The following DNAH10 variants were observed in gnomAD, a reference collection of about 807,000 sequenced individuals.
DNAH10 encodes the protein axonemal beta dynein heavy chain 10.
In DNAH10, 348 loss-of-function variants were observed where a neutral mutation model predicts 506.6. The ratio of observed to expected loss-of-function variants is 0.69; its 90% CI spans 0.63 to 0.75. The LOEUF is 0.75. Ranked by LOEUF, DNAH10 falls within the 30% of genes least tolerant of loss-of-function variation. DNAH10 has a pLI of 0.00. For missense variants in DNAH10, 5,179 were observed against 5,787.1 expected (o/e 0.89, Z 3.41); for synonymous variants, 2,059 against 2,198.6 (o/e 0.94, Z 1.78).
intron 36 of DNAH10, 87 bp from the exon 37 acceptor site, chr12:123,856,969 A>G: frequency 1.1e-6 from 1 of 897,144 alleles, no homozygotes; most frequent in Non-Finnish European, 1.6e-6. Flanking sequence ...ATATTTCATA[A>G]GAGTGTTACC....
intron 26 of DNAH10, among the ~76,000 whole-genome samples, chr12:123,832,621 G>C (rs1186915004): frequency 2.0e-5 from 3 of 152,008 alleles, no homozygotes; most frequent in Non-Finnish European, 4.4e-5. Context: ...AGGATTACAG[G>C]CATGAGCCAC....
At chr12:123,875,200 T>C in intron 46 of DNAH10, 31 bp from the exon 47 acceptor site, 2 of 1,582,418 alleles carry the variant, frequency 1.3e-6, no homozygotes, top group East Asian at 4.6e-5. Context: ...GCGATACTAC[T>C]GTTCTCTTTT....
intron 57 of DNAH10, among the ~76,000 whole-genome samples, chr12:123,904,405 C>A (rs1231546872): frequency 6.6e-6 from 1 of 152,168 alleles, no homozygotes; most frequent in Admixed American, 6.5e-5. Flanking sequence ...TGGGCCACTG[C>A]TCCCAGGTCA....
intron 65 of DNAH10, among the ~76,000 whole-genome samples, chr12:123,921,690 AGTTTTTTTTTTTTTTTT>A (rs1479168885): frequency 1.0e-4 from 10 of 98,270 alleles, no homozygotes; most frequent in African/African-American, 2.4e-4. Flanking sequence ...TGTAGCTTGC[AGTTTTTTTTTTTTTTTT>A]TTTTTTTTTT....
intron 59 of DNAH10, among the ~76,000 whole-genome samples, chr12:123,912,406 GTCTGTCCC>G (rs1954248063): frequency 2.0e-5 from 1 of 50,010 alleles, no homozygotes; most frequent in Non-Finnish European, 3.5e-5. Flanking sequence ...CCTGGGGGGG[GTCTGTCCC>G]GGGGGGGGTC....
At chr12:123,868,334 GT>G (rs1305920104) in intron 43 of DNAH10, among the ~76,000 whole-genome samples, 1 of 152,202 alleles carries the variant, frequency 6.6e-6, no homozygotes, top group African/African-American at 2.4e-5. Flanking sequence ...CCTCTGGGTG[GT>G]CTTTCTGGAT....
intron 52 of DNAH10, among the ~76,000 whole-genome samples, chr12:123,887,534 T>C (rs1002053854): frequency 6.6e-6 from 1 of 152,144 alleles, no homozygotes; most frequent in Non-Finnish European, 1.5e-5. Flanking sequence ...TCTGCGATGA[T>C]GGCAGTATCC....
At chr12:123,843,806 G>A (rs1487892902) in intron 30 of DNAH10, among the ~76,000 whole-genome samples, 1 of 152,204 alleles carries the variant, frequency 6.6e-6, no homozygotes, top group Non-Finnish European at 1.5e-5. Context: ...TCGAACTCCC[G>A]ACCTCAGGTG....
chr12:123,787,905 C>A lies in DNAH10; in HGVS notation c.1523C>A (p.Ser508Ter). 6.2e-7 allele frequency: 1 copy of A among 1,612,378 alleles called. No individual in the cohort carries two copies. Among genetic ancestry groups the A allele is most frequent in the Non-Finnish European group, 8.5e-7 (1 of 1,179,320 alleles). Residue 508 changes from serine to a stop codon, truncating the protein, a stop_gained, in exon 10 of 79, where the codon TCG becomes TAG. Coordinates refer to ENST00000673944, the MANE Select transcript of DNAH10 (RefSeq NM_001372106.1). LOFTEE classifies it high-confidence loss of function. The surrounding 1 kb of genome is among the most constrained non-coding windows in gnomAD (Gnocchi z 4.6). ...YFDTRAKIEA[S>*]GREDRWEFDR... is the part of the protein sequence containing the mutation. The stretch of plus-strand genomic sequence containing the variant: ...GACACCCGGGCCAAGATAGAGGCTT[C>A]GGGGAGGGAAGATCGGTGGGAGTTT...
intron 18 of DNAH10, among the ~76,000 whole-genome samples, chr12:123,807,227 CCA>C (rs1958715263): frequency 6.6e-6 from 1 of 151,498 alleles, no homozygotes; most frequent in Non-Finnish European, 1.5e-5. Flanking sequence ...ATCCATCCAT[CCA>C]TCCATCCAAG....
chr12:123,843,177 G>C (rs1177726766), intron 30 of DNAH10, among the ~76,000 whole-genome samples: 1 of 152,200 alleles, frequency 6.6e-6, no homozygotes, highest in Non-Finnish European at 1.5e-5. Flanking sequence ...TCATCCAGAT[G>C]CTCCTTTGAG....
At chr12:123,877,606 G>A (rs760695659) in intron 47 of DNAH10, 130 bp from the exon 48 acceptor site, 20 of 1,292,836 alleles carry the variant, frequency 1.5e-5, no homozygotes, top group East Asian at 2.7e-5. Flanking sequence ...ATGAGCCACC[G>A]TGACTGGCCA....
rs75424689 is a variant in DNAH10 at position 123,926,470 on chromosome 12, C to T, written c.11922-167C>T. On this transcript the variant is annotated intron_variant, in intron 68 of 78. Coordinates refer to ENST00000673944, the MANE Select transcript of DNAH10 (RefSeq NM_001372106.1). This position sits in a 1 kb window ranked among gnomAD's most constrained non-coding sequence, Gnocchi z 4.1. Reference sequence around the variant, plus strand: ...AGGAGTTCCCCATCAGGGTGGGAGACGTGCATAGAAACTAGAATCTAAAAC... The same window carrying T: ...AGGAGTTCCCCATCAGGGTGGGAGATGTGCATAGAAACTAGAATCTAAAAC... 13,630 of 666,388 alleles carry T rather than the reference C, an allele frequency of 0.02. 1,023 individuals are homozygous for T. Among genetic ancestry groups the T allele is most frequent in the African/African-American group, 0.19 (10,003 of 54,064 alleles). 41.3% of individuals were successfully genotyped at this position (666,388 alleles called of 1,614,324 possible).
intron 53 of DNAH10, 47 bp downstream of exon 53, chr12:123,893,483 G>C (rs763955992): frequency 1.2e-6 from 2 of 1,606,912 alleles, no homozygotes; most frequent in South Asian, 2.2e-5. Flanking sequence ...CTTTGGCAGA[G>C]TGTGTGGCTG....
At position 123,916,470 on chromosome 12, in the gene DNAH10, A is replaced by G. The variant is rs202086953; in HGVS notation, c.10736A>G (p.Asn3579Ser). The G allele has an allele frequency of 4.8e-5, 77 of 1,607,286 alleles. No individual in the cohort carries two copies. The highest frequency in any genetic ancestry group is 3.0e-4 in the African/African-American group (22 of 74,546). The change falls in exon 63 of 79, where the codon AAT becomes AGT. Residue 3579 changes from asparagine to serine, a missense_variant. Physicochemically the swap from Asn to Ser is conservative, Grantham distance 46. Transcript: ENST00000673944. The surrounding 1 kb of genome is among the most constrained non-coding windows in gnomAD (Gnocchi z 4.6). Reference protein sequence around the residue: ...EKNNLRVASFNDPDFLKQLEM... With the variant: ...EKNNLRVASFSDPDFLKQLEM... ...CTTCTCTTCCAGGTCGCTTCCTTTA[A>G]TGACCCTGACTTCCTCAAGCAGCTA...
chr12:123,908,178 T>TCTGTCTCCTCCCTATCTCC (rs1566083258), intron 57 of DNAH10: 1 of 249,946 alleles, frequency 4.0e-6, no homozygotes, highest in African/African-American at 4.0e-5. Context: ...TCCCTGTCTC[T>TCTGTCTCCTCCCTATCTCC]CTGTCTCCTC....
intron 10 of DNAH10, among the ~76,000 whole-genome samples, chr12:123,788,502 GGT>G (rs1957949396): frequency 1.3e-5 from 2 of 152,232 alleles, no homozygotes; most frequent in Admixed American, 1.3e-4. Context: ...CGGTGTGCCG[GGT>G]ACTCAGATGT....
chr12:123,840,596 T>C (rs1435725387), intron 29 of DNAH10, among the ~76,000 whole-genome samples: 1 of 151,978 alleles, frequency 6.6e-6, no homozygotes, highest in East Asian at 1.9e-4. Flanking sequence ...TAAACACATA[T>C]TTTACTGTTG....
intron 51 of DNAH10, among the ~76,000 whole-genome samples, chr12:123,886,842 T>TTA (rs1420470734): frequency 6.6e-6 from 1 of 152,236 alleles, no homozygotes; most frequent in Non-Finnish European, 1.5e-5. Flanking sequence ...AAGTGCCTGC[T>TTA]TATTTCTCCC....
Sources: allele counts gnomAD v4.1 joint callset (sites outside exome capture counted in the v4.1 genomes callset), GRCh38; gene constraint gnomAD v4.1.1; non-coding constraint Gnocchi (gnomAD v3.1); transcripts MANE v1.5; gene names NCBI Gene and HGNC (gene_info 2026-07-23, HGNC 2026-07-21).